The following MTMR12 variants were observed in gnomAD, a reference collection of about 807,000 sequenced individuals.
MTMR12 encodes the protein myotubularin-related protein 12.
A neutral mutation model predicts 96.7 loss-of-function variants in MTMR12; 33 were observed. That is an observed-to-expected ratio of 0.34 (90% CI 0.26 to 0.46). The LOEUF (loss-of-function observed/expected upper bound fraction) is 0.46, where lower values mean the gene tolerates loss of function less well. MTMR12 is among the 20% of genes least tolerant of loss of function. The probability of loss-of-function intolerance (pLI) is 1.00; values close to 1 mark genes in which losing one functional copy is unlikely to be tolerated. For synonymous variants in MTMR12, 298 were observed against 327.2 expected, an observed-to-expected ratio of 0.91 and a Z score of 0.96; for missense variants, 721 against 896.1, an observed-to-expected ratio of 0.80 and a Z score of 2.49.
At chr5:32,240,696 A>G (rs575486331) in intron 12 of MTMR12, among the ~76,000 whole-genome samples, 31 of 152,232 alleles carry the variant, frequency 2.0e-4, no homozygotes, top group Non-Finnish European at 3.4e-4. Flanking sequence ...TGCCTCCCAG[A>G]TTAAAGCAAT....
rs200453590 is a variant in MTMR12 at position 32,310,691 on chromosome 5, A to T, written c.81+2067T>A. On this transcript the variant is annotated intron_variant, in intron 1 of 15. Transcript: ENST00000382142. ...AAGTGGGGATGTTTAATGGGTACAA[A>T]AACACAGTTAGAATAAGATCTAGTA... 2.2e-4 allele frequency among the ~76,000 whole-genome samples: 33 copies of T among 152,314 alleles called. No homozygotes were observed. The East Asian group carries it at 6.0e-3, about 28-fold the overall frequency.
intron 1 of MTMR12, among the ~76,000 whole-genome samples, chr5:32,311,369 A>C (rs1490634437): frequency 6.6e-6 from 1 of 152,190 alleles, no homozygotes; most frequent in Admixed American, 6.5e-5. Flanking sequence ...CTAGGACTAA[A>C]AATAAGACCC....
intron 2 of MTMR12, among the ~76,000 whole-genome samples, 176 bp from the exon 3 acceptor site, chr5:32,274,298 G>A (rs56215869): frequency 5.5e-4 from 83 of 151,830 alleles, no homozygotes; most frequent in African/African-American, 1.9e-3. Context: ...GAGAAGATGC[G>A]GCAGAGTGGA....
chr5:32,270,303 G>A (rs775377418), intron 5 of MTMR12, among the ~76,000 whole-genome samples: 21 of 152,120 alleles, frequency 1.4e-4, no homozygotes, highest in Non-Finnish European at 2.8e-4. Flanking sequence ...ACTTGCTGTG[G>A]CGACCAGGAG....
At chr5:32,281,925 C>T (rs959169903) in intron 1 of MTMR12, among the ~76,000 whole-genome samples, 4 of 150,618 alleles carry the variant, frequency 2.7e-5, no homozygotes, top group South Asian at 2.1e-4. Context: ...AGACCACATC[C>T]GAGAGGAAGG....
intron 12 of MTMR12, among the ~76,000 whole-genome samples, chr5:32,239,643 T>A (rs1748387958): frequency 6.6e-6 from 1 of 152,236 alleles, no homozygotes; most frequent in Non-Finnish European, 1.5e-5. Flanking sequence ...ATGGCTCAGC[T>A]GCTTCTCAAA....
intron 7 of MTMR12, 23 bp downstream of exon 7, chr5:32,263,090 T>A: frequency 5.6e-6 from 9 of 1,613,742 alleles, no homozygotes; most frequent in Non-Finnish European, 7.6e-6. Flanking sequence ...TTGTACAGCA[T>A]GTGCCCAGCA....
At chr5:32,271,062 A>G (rs1369692936) in intron 4 of MTMR12, 115 bp from the exon 5 acceptor site, 2 of 1,249,320 alleles carry the variant, frequency 1.6e-6, no homozygotes, top group Non-Finnish European at 2.2e-6. Context: ...AATGAGAGGA[A>G]AGGTGCTGCC....
intron 1 of MTMR12, among the ~76,000 whole-genome samples, chr5:32,303,847 C>CAAAAAAAAAAAAAAAAAAAAAAAAA (rs57459005): frequency 1.5e-5 from 1 of 68,400 alleles, no homozygotes; most frequent in Non-Finnish European, 2.8e-5. Flanking sequence ...TTTGCCATCT[C>CAAAAAAAAAAAAAAAAAAAAAAAAA]AAAAAAAAAA....
intron 10 of MTMR12, 149 bp from the exon 11 acceptor site, chr5:32,243,748 G>C: frequency 7.0e-6 from 4 of 571,280 alleles, no homozygotes; most frequent in Non-Finnish European, 1.2e-5. Flanking sequence ...TTTGAGTAAG[G>C]GTCATTTCAA....
chr5:32,248,787 T>C lies in MTMR12; in HGVS notation c.881A>G (p.Lys294Arg). 1 of 1,614,110 alleles carries C rather than the reference T, an allele frequency of 6.2e-7. No individual in the cohort carries two copies. The highest frequency in any genetic ancestry group is 8.5e-7 in the Non-Finnish European group (1 of 1,179,940). Residue 294 changes from lysine to arginine, a missense_variant, in exon 9 of 16, where the codon AAG becomes AGG. Lys to Arg is a conservative substitution (Grantham distance 26, BLOSUM62 2). Transcript: ENST00000382142. ...TAGTACTGACCCATCTAAGAAGCTCTTTTGGATTTGTAAAATGCCGTCATC... is the reference window on the plus strand; with the variant it reads ...TAGTACTGACCCATCTAAGAAGCTCCTTTGGATTTGTAAAATGCCGTCATC... Reference protein sequence around the residue: ...EQDDGILQIQKSFLDGIYKTI... With the variant: ...EQDDGILQIQRSFLDGIYKTI...
chr5:32,311,215 A>T (rs1751581843), intron 1 of MTMR12, among the ~76,000 whole-genome samples: 1 of 152,206 alleles, frequency 6.6e-6, no homozygotes, highest in South Asian at 2.1e-4. Context: ...AAAATTTTTT[A>T]AATGTTTAAA....
chr5:32,295,901 C>A (rs1411452706), intron 1 of MTMR12, among the ~76,000 whole-genome samples: 2 of 152,118 alleles, frequency 1.3e-5, no homozygotes, highest in African/African-American at 4.8e-5. Context: ...TTCCTGTAAT[C>A]CCAGCATTTT....
intron 1 of MTMR12, among the ~76,000 whole-genome samples, chr5:32,288,345 T>A (rs1750621299): frequency 1.3e-5 from 2 of 152,144 alleles, no homozygotes; most frequent in African/African-American, 4.8e-5. Flanking sequence ...TCCACCTTTG[T>A]CTGAGATAAA....
chr5:32,287,364 C>T (rs1750576459), intron 1 of MTMR12, among the ~76,000 whole-genome samples: 1 of 152,172 alleles, frequency 6.6e-6, no homozygotes, highest in Admixed American at 6.5e-5. Flanking sequence ...ACTGGCCTAG[C>T]CTCGCAGCCT....
At chr5:32,262,321 C>T (rs2112058182) in intron 7 of MTMR12, among the ~76,000 whole-genome samples, 1 of 152,252 alleles carries the variant, frequency 6.6e-6, no homozygotes, top group Middle Eastern at 3.4e-3. Flanking sequence ...TTATTCATGG[C>T]CAGGCATGAT....
At chr5:32,285,214 C>T (rs756367619) in intron 1 of MTMR12, among the ~76,000 whole-genome samples, 7 of 151,978 alleles carry the variant, frequency 4.6e-5, no homozygotes, top group Admixed American at 1.3e-4. Context: ...AAAAATTAGC[C>T]GGGTGTGGTG....
chr5:32,235,311 G>C (rs1561738742), intron 13 of MTMR12, among the ~76,000 whole-genome samples, 182 bp from the exon 14 acceptor site: 1 of 152,180 alleles, frequency 6.6e-6, no homozygotes. Context: ...TCACATGCTT[G>C]CGATTTACAT....
chr5:32,254,319 G>A (rs1233432858), intron 8 of MTMR12, among the ~76,000 whole-genome samples: 2 of 152,192 alleles, frequency 1.3e-5, no homozygotes, highest in African/African-American at 2.4e-5. Context: ...TGGTACAAAA[G>A]CAGTGGTGGT....
Sources: gnomAD v4.1 joint callset for allele counts (sites outside exome capture counted in the v4.1 genomes callset) on GRCh38, gnomAD v4.1.1 for gene constraint, MANE v1.5 for transcripts, NCBI Gene and HGNC (gene_info 2026-07-23, HGNC 2026-07-21) for gene names.